Variants in CNBD1 observed in about 807,000 individuals in gnomAD.
The protein encoded by CNBD1 is cyclic nucleotide-binding domain-containing protein 1.
CNBD1 carries 71 observed loss-of-function variants against 54.4 expected under a neutral mutation model. The ratio of observed to expected loss-of-function variants is 1.30; its 90% CI spans 1.08 to 1.59. The LOEUF (loss-of-function observed/expected upper bound fraction) is 1.59, where lower values mean the gene tolerates loss of function less well. Ranked by LOEUF, CNBD1 falls within the 40% of genes most tolerant of loss-of-function variation. The probability of loss-of-function intolerance (pLI) is 0.00; values close to 1 mark genes in which losing one functional copy is unlikely to be tolerated. For synonymous variants in CNBD1, 182 were observed against 170.7 expected (o/e 1.07, Z -0.51); for missense variants, 659 against 518.0 (o/e 1.27, Z -2.64).
intron 6 of CNBD1, among the ~76,000 whole-genome samples, chr8:87,282,968 T>C (rs1808625225): frequency 6.6e-6 from 1 of 152,092 alleles, no homozygotes; most frequent in African/African-American, 2.4e-5. Flanking sequence ...CTCACTTCCC[T>C]CAGCCCTGGA....
chr8:87,377,057 ATTT>A lies in CNBD1; in HGVS notation c.1304-5560_1304-5558del, dbSNP rs1032435071. 1.6e-4 allele frequency among the ~76,000 whole-genome samples: 22 copies of A among 138,448 alleles called. 1 individual carries two copies. Among genetic ancestry groups the A allele is most frequent in the Admixed American group, 2.1e-4 (3 of 13,970 alleles). The allele number at this position is 138,448 out of a possible 152,430, so 90.8% of individuals were successfully genotyped here. On this transcript the variant is annotated intron_variant, in intron 10 of 10. Coordinates refer to ENST00000518476, the MANE Select transcript of CNBD1 (RefSeq NM_173538.3). ...TTACATTTAGAAAACTCCAATTTTTATTTTTATTTCTTTATTTTATTTTATTTT... is the reference window on the plus strand; with the variant it reads ...TTACATTTAGAAAACTCCAATTTTTATTATTTCTTTATTTTATTTTATTTT...
intron 10 of CNBD1, among the ~76,000 whole-genome samples, chr8:87,377,196 C>T (rs1179064029): frequency 2.0e-5 from 3 of 150,218 alleles, no homozygotes; most frequent in African/African-American, 7.4e-5. Flanking sequence ...TACATGTGCA[C>T]ATTGTGCAGG....
chr8:87,312,962 G>A (rs1429209515), intron 8 of CNBD1, among the ~76,000 whole-genome samples: 1 of 151,888 alleles, frequency 6.6e-6, no homozygotes, highest in African/African-American at 2.4e-5. Context: ...ACGATATATT[G>A]TTCTGCCTAA....
intron 4 of CNBD1, among the ~76,000 whole-genome samples, chr8:87,146,094 T>C (rs1563486399): frequency 6.6e-6 from 1 of 152,178 alleles, no homozygotes. Context: ...AAATGGTGTT[T>C]AGATTCTACG....
At chr8:87,371,089 C>A (rs540417415) in intron 10 of CNBD1, among the ~76,000 whole-genome samples, 14,726 of 150,776 alleles carry the variant, frequency 0.098, 759 homozygotes, top group African/African-American at 0.11. Context: ...TGATCTATAT[C>A]TCTGTTTTGG....
chr8:87,353,987 T>C (rs1260724364), intron 10 of CNBD1: 2 of 391,914 alleles, frequency 5.1e-6, no homozygotes, highest in African/African-American at 4.2e-5. Flanking sequence ...TAGAGTGGGC[T>C]GGAAGGGAAC....
rs575833344 is a variant in CNBD1 at position 87,057,574 on chromosome 8, C to T, written c.431+117820C>T. On this transcript the variant is annotated intron_variant, in intron 4 of 10. Coordinates refer to ENST00000518476, the MANE Select transcript of CNBD1 (RefSeq NM_173538.3). ...ATTTCAAAACACAATCATGGTTGGG[C>T]GCAGTGGCCCATCCCTGTAATCCCA... Among the ~76,000 whole-genome samples the T allele has an allele frequency of 2.7e-4, 41 of 152,318 alleles. No homozygotes were observed. The East Asian group carries it at 4.1e-3, about 15-fold the overall frequency.
intron 4 of CNBD1, among the ~76,000 whole-genome samples, chr8:87,184,733 C>T: frequency 6.6e-6 from 1 of 152,078 alleles, no homozygotes; most frequent in East Asian, 1.9e-4. Flanking sequence ...GGTCTACATC[C>T]TCCCTATATC....
intron 4 of CNBD1, among the ~76,000 whole-genome samples, chr8:86,954,446 T>C (rs1331953975): frequency 1.3e-5 from 2 of 152,248 alleles, no homozygotes; most frequent in Non-Finnish European, 2.9e-5. Flanking sequence ...TTAGTCAATA[T>C]GTTCACACAC....
chr8:86,980,798 A>C (rs1169216356), intron 4 of CNBD1, among the ~76,000 whole-genome samples: 2 of 152,196 alleles, frequency 1.3e-5, no homozygotes, highest in African/African-American at 4.8e-5. Flanking sequence ...TATTATTTTT[A>C]CCATTTTAAC....
chr8:87,354,010 A>G (rs938864379), intron 10 of CNBD1: 4 of 338,652 alleles, frequency 1.2e-5, no homozygotes, highest in East Asian at 1.2e-4. Flanking sequence ...CATTTTCATC[A>G]TATAGAAAGA....
intron 2 of CNBD1, among the ~76,000 whole-genome samples, chr8:87,426,132 G>A (rs907774412): frequency 1.3e-5 from 2 of 152,208 alleles, no homozygotes; most frequent in African/African-American, 2.4e-5. Flanking sequence ...AACTCCCTGA[G>A]CCCTTGTGCT....
At chr8:87,361,266 T>C (rs1412734685) in intron 10 of CNBD1, among the ~76,000 whole-genome samples, 1 of 151,966 alleles carries the variant, frequency 6.6e-6, no homozygotes, top group Non-Finnish European at 1.5e-5. Flanking sequence ...AAATGTAAGT[T>C]ACAAAGTTGA....
At chr8:87,022,481 G>A (rs1370435403) in intron 4 of CNBD1, among the ~76,000 whole-genome samples, 1 of 152,020 alleles carries the variant, frequency 6.6e-6, no homozygotes. Flanking sequence ...TTCTGTTGGT[G>A]AAAAGAGAAA....
At chr8:86,900,676 A>AT (rs1808918823) in intron 2 of CNBD1, among the ~76,000 whole-genome samples, 1 of 152,154 alleles carries the variant, frequency 6.6e-6, no homozygotes, top group South Asian at 2.1e-4. Context: ...TTTTCTAAAG[A>AT]TAAAAAAAAA....
intron 4 of CNBD1, among the ~76,000 whole-genome samples, chr8:87,064,543 G>A (rs1018482905): frequency 6.6e-6 from 1 of 151,764 alleles, no homozygotes; most frequent in East Asian, 1.9e-4. Context: ...AAATTTAAAG[G>A]ATGTTATTGT....
chr8:87,211,965 G>A (rs1023395810), intron 5 of CNBD1, among the ~76,000 whole-genome samples: 3 of 151,970 alleles, frequency 2.0e-5, no homozygotes, highest in African/African-American at 7.3e-5. Flanking sequence ...GTATTAAATT[G>A]GTAACTTAAT....
Position 87,284,796 on chromosome 8 carries a change from G to C in CNBD1, c.890G>C (p.Gly297Ala). ...GAAATTCTTAAAATCCCAGCAAAGG[G>C]ATATGCAAAGATAAAGGAGGTAAGA... ...DCEILKIPAK[G>A]YAKIKEEKIK... The change falls in exon 7 of 11, where the codon GGA (glycine) becomes GCA (alanine). Residue 297 changes from glycine (G) to alanine (A), a missense_variant. Physicochemically the swap from Gly to Ala is moderately conservative, Grantham distance 60. Coordinates refer to ENST00000518476, the MANE Select transcript of CNBD1 (RefSeq NM_173538.3). 1 of 1,584,338 alleles carries C rather than the reference G, an allele frequency of 6.3e-7. No homozygotes were observed. The highest frequency in any genetic ancestry group is 8.6e-7 in the Non-Finnish European group (1 of 1,164,972).
intron 4 of CNBD1, among the ~76,000 whole-genome samples, chr8:87,090,132 A>G (rs1041870438): frequency 6.6e-6 from 1 of 152,130 alleles, no homozygotes; most frequent in African/African-American, 2.4e-5. Context: ...ATAAGTGAGG[A>G]GGATAAATGT....
Sources: allele counts gnomAD v4.1 joint callset (sites outside exome capture counted in the v4.1 genomes callset), GRCh38; gene constraint gnomAD v4.1.1; transcripts MANE v1.5; gene names NCBI Gene and HGNC (gene_info 2026-07-23, HGNC 2026-07-21).